PDSS1: variants seen among roughly 807,000 people sequenced by gnomAD.
PDSS1 encodes the protein all trans-polyprenyl-diphosphate synthase PDSS1.
A neutral mutation model predicts 57.5 loss-of-function variants in PDSS1; 43 were observed. The ratio of observed to expected loss-of-function variants is 0.75; its 90% CI spans 0.59 to 0.96. The LOEUF (loss-of-function observed/expected upper bound fraction) is 0.96, where lower values mean the gene tolerates loss of function less well. PDSS1 is among the 50% of genes least tolerant of loss of function. PDSS1 has a pLI of 0.00. For missense variants in PDSS1, 438 were observed against 527.8 expected, an observed-to-expected ratio of 0.83 and a Z score of 1.67; for synonymous variants, 175 against 191.3, an observed-to-expected ratio of 0.91 and a Z score of 0.70.
chr10:26,725,353 A>G (rs1835916162), intron 8 of PDSS1, among the ~76,000 whole-genome samples: 1 of 152,222 alleles, frequency 6.6e-6, no homozygotes, highest in Non-Finnish European at 1.5e-5. Context: ...AGAAATGTAT[A>G]ATTGCAAGGC....
rs79450201 is a variant in PDSS1 at position 26,719,773 on chromosome 10, A to G, written c.468-445A>G. ...AGAGCGAGACCCTGTCTCAAAAACAAAAAAGACAGTATTAAAAGCCTTGAA... is the reference window on the plus strand; with the variant it reads ...AGAGCGAGACCCTGTCTCAAAAACAGAAAAGACAGTATTAAAAGCCTTGAA... On this transcript the variant is annotated intron_variant, in intron 5 of 11. Coordinates refer to ENST00000376215, the MANE Select transcript of PDSS1 (RefSeq NM_014317.5). Among the ~76,000 whole-genome samples the G allele has an allele frequency of 9.5e-3, 1,440 of 152,306 alleles. 86 individuals carry two copies. In the South Asian group the frequency reaches 0.16, roughly 17 times the overall value.
At chr10:26,702,062 C>G in intron 1 of PDSS1, 100 bp from the exon 2 acceptor site, 1 of 435,048 alleles carries the variant, frequency 2.3e-6, no homozygotes, top group Non-Finnish European at 4.6e-6. Context: ...TAAGCCCCTT[C>G]GTTTTGGCCA....
chr10:26,717,030 G>A (rs1408411440), intron 5 of PDSS1, among the ~76,000 whole-genome samples: 2 of 152,154 alleles, frequency 1.3e-5, no homozygotes, highest in Non-Finnish European at 2.9e-5. Context: ...TTATGGATAA[G>A]CAGTGGCAGC....
At chr10:26,701,842 G>C (rs1220888833) in intron 1 of PDSS1, 2 of 454,468 alleles carry the variant, frequency 4.4e-6, no homozygotes, top group African/African-American at 4.0e-5. Context: ...CTTCCACCGT[G>C]CACCTGGAAA....
intron 5 of PDSS1, among the ~76,000 whole-genome samples, chr10:26,714,466 CAAAA>C (rs34696535): frequency 5.7e-5 from 7 of 122,992 alleles, no homozygotes; most frequent in Admixed American, 1.6e-4. Flanking sequence ...GACTCTGTCT[CAAAA>C]AAAAAAAAAA....
At chr10:26,735,740 G>A (rs1268358973) in intron 10 of PDSS1, among the ~76,000 whole-genome samples, 161 bp downstream of exon 10, 1 of 152,144 alleles carries the variant, frequency 6.6e-6, no homozygotes, top group Non-Finnish European at 1.5e-5. Context: ...GAGATGTTGG[G>A]GCTGGTCATT....
chr10:26,741,499 A>G (rs996678586), intron 10 of PDSS1, among the ~76,000 whole-genome samples: 6 of 150,458 alleles, frequency 4.0e-5, no homozygotes, highest in African/African-American at 1.2e-4. Flanking sequence ...AGGGGGGGAA[A>G]AACAACAAAA....
At chr10:26,733,427 T>C (rs1217713331) in intron 8 of PDSS1, among the ~76,000 whole-genome samples, 2 of 152,068 alleles carry the variant, frequency 1.3e-5, no homozygotes, top group Non-Finnish European at 2.9e-5. Context: ...CATGGGAAGG[T>C]GGTTGCTGTT....
At chr10:26,735,152 C>G in intron 8 of PDSS1, 88 bp from the exon 9 acceptor site, 2 of 887,262 alleles carry the variant, frequency 2.3e-6, no homozygotes, top group Non-Finnish European at 3.9e-6. Context: ...CCCGCTGCCT[C>G]CTATTTTAAG....
At chr10:26,717,452 G>A (rs144552109) in intron 5 of PDSS1, among the ~76,000 whole-genome samples, 3,263 of 152,246 alleles carry the variant, frequency 0.021, 125 homozygotes, top group African/African-American at 0.074. Flanking sequence ...GGCTGGTCTC[G>A]AACTCCTGAC....
At chr10:26,723,632 C>T (rs990623222) in intron 6 of PDSS1, among the ~76,000 whole-genome samples, 174 bp from the exon 7 acceptor site, 1 of 152,180 alleles carries the variant, frequency 6.6e-6, no homozygotes, top group East Asian at 1.9e-4. Context: ...AAACACTGTT[C>T]CAAATCTGTA....
At chr10:26,707,149 C>T (rs1835257685) in intron 4 of PDSS1, among the ~76,000 whole-genome samples, 1 of 152,166 alleles carries the variant, frequency 6.6e-6, no homozygotes. Context: ...GGGGAGCATG[C>T]TCAGTGTGTT....
At chr10:26,720,499 T>C (rs546764434) in intron 6 of PDSS1, 140 bp downstream of exon 6, 134 of 701,134 alleles carry the variant, frequency 1.9e-4, no homozygotes, top group Non-Finnish European at 3.2e-4. Flanking sequence ...AAAGTATTCA[T>C]GTCTTGTCCA....
intron 11 of PDSS1, among the ~76,000 whole-genome samples, chr10:26,743,826 G>A (rs776467483): frequency 3.9e-5 from 6 of 152,036 alleles, no homozygotes; most frequent in Non-Finnish European, 8.8e-5. Context: ...CATTAAATAT[G>A]AATAGACAAC....
intron 8 of PDSS1, among the ~76,000 whole-genome samples, chr10:26,726,436 A>G (rs868481902): frequency 7.9e-5 from 12 of 152,342 alleles, no homozygotes; most frequent in African/African-American, 2.2e-4. Flanking sequence ...ATGGGTGGAA[A>G]TATTCCAGAG....
At chr10:26,731,718 G>A (rs1174898871) in intron 8 of PDSS1, among the ~76,000 whole-genome samples, 1 of 152,236 alleles carries the variant, frequency 6.6e-6, no homozygotes, top group Non-Finnish European at 1.5e-5. Context: ...AGAGGAGAAT[G>A]TATTGCAGTG....
At chr10:26,726,527 TGCAAA>T (rs1268084036) in intron 8 of PDSS1, among the ~76,000 whole-genome samples, 1 of 152,052 alleles carries the variant, frequency 6.6e-6, no homozygotes, top group Admixed American at 6.6e-5. Flanking sequence ...AATAAATGCA[TGCAAA>T]GCAAATTAGA....
At chr10:26,716,780 G>A (rs368622805) in intron 5 of PDSS1, among the ~76,000 whole-genome samples, 1 of 152,194 alleles carries the variant, frequency 6.6e-6, no homozygotes. Context: ...TCTTGCAGGT[G>A]TGAAGTACAG....
At chr10:26,741,794 C>T (rs1453154483) in intron 10 of PDSS1, among the ~76,000 whole-genome samples, 1 of 152,140 alleles carries the variant, frequency 6.6e-6, no homozygotes, top group Non-Finnish European at 1.5e-5. Context: ...AGGCTCCATC[C>T]CTACTCAATC....
Sources: allele counts gnomAD v4.1 joint callset (sites outside exome capture counted in the v4.1 genomes callset), GRCh38; gene constraint gnomAD v4.1.1; transcripts MANE v1.5; gene names NCBI Gene and HGNC (gene_info 2026-07-23, HGNC 2026-07-21).